Variants in AMOTL1 observed in about 807,000 individuals in gnomAD.
The protein encoded by AMOTL1 is angiomotin like 1.
In AMOTL1, 45 loss-of-function variants were observed where a neutral mutation model predicts 102.9. The observed-to-expected ratio is 0.44, with a 90% CI of 0.34 to 0.56. AMOTL1 has a LOEUF of 0.56. AMOTL1 is among the 20% of genes least tolerant of loss of function. AMOTL1 has a pLI of 0.01. For synonymous variants in AMOTL1, 481 were observed against 484.7 expected, an observed-to-expected ratio of 0.99 and a Z score of 0.10; for missense variants, 1,114 against 1,225.6, an observed-to-expected ratio of 0.91 and a Z score of 1.36.
At chr11:94,858,665 G>A (rs1952713938) in intron 8 of AMOTL1, among the ~76,000 whole-genome samples, 1 of 152,152 alleles carries the variant, frequency 6.6e-6, no homozygotes, top group South Asian at 2.1e-4. Context: ...GAGTACTAAG[G>A]AGCCTGGTCC....
intron 1 of AMOTL1, among the ~76,000 whole-genome samples, chr11:94,724,691 T>C (rs1470715504): frequency 6.6e-6 from 1 of 152,198 alleles, no homozygotes; most frequent in Non-Finnish European, 1.5e-5. Flanking sequence ...ATTTGTTGTT[T>C]TTCTATTCCA....
At chr11:94,714,041 A>G (rs1290398915) in intron 1 of AMOTL1, among the ~76,000 whole-genome samples, 2 of 151,992 alleles carry the variant, frequency 1.3e-5, no homozygotes, top group African/African-American at 2.4e-5. Context: ...GAGGTTCTTG[A>G]TCAAGCTGAG....
At chr11:94,779,871 A>ATT (rs75546760) in intron 1 of AMOTL1, among the ~76,000 whole-genome samples, 3 of 152,098 alleles carry the variant, frequency 2.0e-5, no homozygotes, top group Non-Finnish European at 4.4e-5. Context: ...AAAAAAAAAA[A>ATT]TTATCGTTTG....
intron 5 of AMOTL1, among the ~76,000 whole-genome samples, chr11:94,830,995 T>G (rs1438763533): frequency 6.6e-6 from 1 of 152,266 alleles, no homozygotes; most frequent in East Asian, 1.9e-4. Flanking sequence ...TGTACAGTCT[T>G]CATACATTAG....
intron 1 of AMOTL1, among the ~76,000 whole-genome samples, chr11:94,714,971 C>T (rs981337021): frequency 3.9e-5 from 6 of 151,974 alleles, no homozygotes; most frequent in Non-Finnish European, 8.8e-5. Flanking sequence ...TACTGACTTG[C>T]GATTATTTCT....
Position 94,713,325 on chromosome 11 carries a change from TTTCA to T in AMOTL1, c.-51+6729_-51+6732del, listed in dbSNP as rs140710232. 3.5e-3 allele frequency among the ~76,000 whole-genome samples: 533 copies of T among 152,102 alleles called. 2 individuals carry two copies. The highest frequency in any genetic ancestry group is 0.011 in the African/African-American group (474 of 41,550). Reference sequence around the variant, plus strand: ...ACACTAGGTAGAGTTCTTCCTCCCATTTCAGGGTTATTTGTCAAAAGTTTTAGAG... The same window carrying T: ...ACACTAGGTAGAGTTCTTCCTCCCATGGGTTATTTGTCAAAAGTTTTAGAG... On this transcript the variant is annotated intron_variant, in intron 1 of 4. Transcript: ENST00000299004.
intron 3 of AMOTL1, among the ~76,000 whole-genome samples, chr11:94,819,423 G>A (rs1214220386): frequency 6.6e-6 from 1 of 152,210 alleles, no homozygotes; most frequent in Non-Finnish European, 1.5e-5. Flanking sequence ...AAATGCATAT[G>A]TGATTAGTTC....
chr11:94,728,199 A>G (rs1194011581), intron 1 of AMOTL1, among the ~76,000 whole-genome samples: 1 of 152,140 alleles, frequency 6.6e-6, no homozygotes, highest in Non-Finnish European at 1.5e-5. Context: ...AATATGGGCA[A>G]GAGTTTGGCC....
chr11:94,728,836 C>A, intron 1 of AMOTL1: 1 of 563,476 alleles, frequency 1.8e-6, no homozygotes, highest in Admixed American at 3.5e-5. Context: ...AGAAACTGAC[C>A]ACTTTCCTTC....
chr11:94,848,766 A>G (rs1344021028), intron 6 of AMOTL1, among the ~76,000 whole-genome samples: 2 of 152,214 alleles, frequency 1.3e-5, no homozygotes, highest in African/African-American at 4.8e-5. Context: ...TTGCAGCCTT[A>G]CAGTGTCATT....
At position 94,870,987 on chromosome 11, in the gene AMOTL1, G is replaced by A. The variant is rs1025930062; in HGVS notation, c.*192G>A. ...CATGACTGAAGATAGAAGAGAATGC[G>A]ATGGATTTTATTACACATGGTGGAA... On this transcript the variant is annotated 3_prime_UTR_variant, in exon 13 of 13. Coordinates refer to ENST00000433060, the MANE Select transcript of AMOTL1 (RefSeq NM_130847.3). The A allele has an allele frequency of 1.0e-5, 5 of 486,922 alleles. No homozygotes were observed. The highest frequency in any genetic ancestry group is 4.6e-5 in the South Asian group (1 of 21,948). 30.2% of individuals were successfully genotyped at this position (486,922 alleles called of 1,614,324 possible). A position where few individuals can be genotyped will look rare whatever the true frequency, so the allele number is the denominator to read the frequency against.
chr11:94,715,980 A>T (rs1384976703), intron 1 of AMOTL1, among the ~76,000 whole-genome samples: 7 of 152,084 alleles, frequency 4.6e-5, no homozygotes, highest in African/African-American at 1.7e-4. Context: ...TCTCTCTGAG[A>T]TGCTAATGAT....
intron 9 of AMOTL1, 104 bp downstream of exon 9, chr11:94,859,819 A>G (rs1390951508): frequency 2.4e-6 from 3 of 1,250,084 alleles, no homozygotes; most frequent in Admixed American, 6.2e-5. Context: ...TAGGGAGTGA[A>G]GTCAGCTAAA....
chr11:94,833,290 G>A (rs929574207), intron 6 of AMOTL1, among the ~76,000 whole-genome samples: 13 of 152,172 alleles, frequency 8.5e-5, no homozygotes, highest in Non-Finnish European at 7.4e-5. Flanking sequence ...GACACTTTGT[G>A]CCTTCACAGC....
upstream of AMOTL1, among the ~76,000 whole-genome samples, chr11:94,767,779 A>G (rs1169457325): frequency 6.8e-6 from 1 of 146,716 alleles, no homozygotes; most frequent in Non-Finnish European, 1.5e-5. Flanking sequence ...CAGCCTGGGG[A>G]TTTATGGCCA....
chr11:94,719,723 A>C (rs1234926212), intron 1 of AMOTL1, among the ~76,000 whole-genome samples: 2 of 152,090 alleles, frequency 1.3e-5, no homozygotes, highest in Admixed American at 6.6e-5. Flanking sequence ...ACTTTGGATA[A>C]TTCCTCACTA....
At chr11:94,862,803 C>T (rs1379924626) in intron 9 of AMOTL1, among the ~76,000 whole-genome samples, 1 of 152,136 alleles carries the variant, frequency 6.6e-6, no homozygotes, top group Non-Finnish European at 1.5e-5. Context: ...ATTTTGTGCA[C>T]CATAGTGTGA....
chr11:94,853,925 C>A lies in AMOTL1; in HGVS notation c.1795-8C>A. The A allele has an allele frequency of 6.2e-7, 1 of 1,606,346 alleles. No individual in the cohort carries two copies. Among genetic ancestry groups the A allele is most frequent in the South Asian group, 1.1e-5 (1 of 89,346 alleles). ...ATTCTGTGCTCTTTTTTACTCTTCT[C>A]CACTCAGTTACGAGAGAAGCAAGCA... is the stretch of plus-strand genomic sequence containing the variant. On this transcript the variant is annotated splice_region_variant and splice_polypyrimidine_tract_variant and intron_variant, in intron 7 of 12. Coordinates refer to ENST00000433060, the MANE Select transcript of AMOTL1 (RefSeq NM_130847.3).
chr11:94,844,165 C>T lies in AMOTL1; in HGVS notation c.1649-5949C>T, dbSNP rs114940006. ...ACTCTGCCACCACCACCCCCTCTTC[C>T]CACATCCAAGAACCTTCCTTGAGAA... On this transcript the variant is annotated intron_variant, in intron 6 of 12. Transcript: ENST00000433060. 2.0e-3 allele frequency among the ~76,000 whole-genome samples: 308 copies of T among 152,270 alleles called. 1 individual carries two copies. The highest frequency in any genetic ancestry group is 7.1e-3 in the African/African-American group (296 of 41,548).
Sources: gnomAD v4.1 joint callset for allele counts (sites outside exome capture counted in the v4.1 genomes callset) on GRCh38, gnomAD v4.1.1 for gene constraint, MANE v1.5 for transcripts, NCBI Gene and HGNC (gene_info 2026-07-23, HGNC 2026-07-21) for gene names.